ADRA1B: variants seen among roughly 807,000 people sequenced by gnomAD.
ADRA1B encodes the protein alpha-1B adrenergic receptor.
In ADRA1B, 17 loss-of-function variants were observed where a neutral mutation model predicts 17.9. The ratio of observed to expected loss-of-function variants is 0.95; its 90% CI spans 0.65 to 1.42. The LOEUF (loss-of-function observed/expected upper bound fraction) is 1.42. Among genes scored for constraint, ADRA1B ranks in the 40% most tolerant of loss-of-function variants. ADRA1B has a pLI of 0.00. For synonymous variants in ADRA1B, 366 were observed against 327.6 expected (o/e 1.12, Z -1.27); for missense variants, 681 against 722.1 (o/e 0.94, Z 0.65).
chr5:159,945,796 G>C (rs1223102960), intron 1 of ADRA1B, among the ~76,000 whole-genome samples: 1 of 149,928 alleles, frequency 6.7e-6, no homozygotes, highest in East Asian at 2.0e-4. Flanking sequence ...TGCCCAGGCT[G>C]GAGTGCAGTG....
chr5:159,881,031 T>C (rs1753855565), intron 1 of ADRA1B, among the ~76,000 whole-genome samples: 1 of 152,126 alleles, frequency 6.6e-6, no homozygotes, highest in South Asian at 2.1e-4. Context: ...CTATTCTGGC[T>C]ACTTTAATAA....
At chr5:159,982,875 T>TA in the ADRA1B span, among the ~76,000 whole-genome samples, 1 of 152,260 alleles carries the variant, frequency 6.6e-6, no homozygotes, top group South Asian at 2.1e-4. Context: ...TATGAATGAA[T>TA]ATCACAAAAT....
intron 1 of ADRA1B, chr5:159,948,598 T>C (rs1755341260): frequency 9.8e-6 from 4 of 408,446 alleles, no homozygotes; most frequent in Non-Finnish European, 1.3e-5. Context: ...CACTGAAATG[T>C]TGAAAACATA....
intron 1 of ADRA1B, among the ~76,000 whole-genome samples, chr5:159,929,824 G>C (rs957092330): frequency 2.6e-5 from 4 of 151,798 alleles, no homozygotes; most frequent in Admixed American, 2.6e-4. Flanking sequence ...TTTTTCTCCT[G>C]AAGTAAACAT....
upstream of ADRA1B, among the ~76,000 whole-genome samples, chr5:159,913,444 C>T (rs369438577): frequency 6.6e-6 from 1 of 152,194 alleles, no homozygotes; most frequent in Non-Finnish European, 1.5e-5. Context: ...AAGGCTAATA[C>T]CTGTTCCCCT....
intron 1 of ADRA1B, among the ~76,000 whole-genome samples, chr5:159,871,715 G>A (rs1753741775): frequency 6.6e-6 from 1 of 152,126 alleles, no homozygotes; most frequent in African/African-American, 2.4e-5. Flanking sequence ...GGTGGGGTTA[G>A]GACTTAGACG....
chr5:159,880,670 G>A (rs1333199188), intron 1 of ADRA1B, among the ~76,000 whole-genome samples: 2 of 152,178 alleles, frequency 1.3e-5, no homozygotes, highest in Non-Finnish European at 2.9e-5. Context: ...CTTCTATGTT[G>A]AGGCCAAATC....
At chr5:159,899,274 G>GGAAGGAAGGAAGGAAGGAAGGAAGGAAA (rs1754072276) in intron 1 of ADRA1B, among the ~76,000 whole-genome samples, 4 of 119,620 alleles carry the variant, frequency 3.3e-5, no homozygotes, top group African/African-American at 1.2e-4. Flanking sequence ...AAGGAAGGAA[G>GGAAGGAAGGAAGGAAGGAAGGAAGGAAA]GAAGGAAGGA....
At chr5:159,922,514 T>A (rs2113167479) in intron 1 of ADRA1B, among the ~76,000 whole-genome samples, 1 of 152,348 alleles carries the variant, frequency 6.6e-6, no homozygotes, top group South Asian at 2.1e-4. Context: ...ATGATGCTTC[T>A]GTTGCAAAAT....
intron 1 of ADRA1B, among the ~76,000 whole-genome samples, chr5:159,924,900 TC>T (rs1469972534): frequency 1.3e-5 from 2 of 152,266 alleles, no homozygotes; most frequent in African/African-American, 2.4e-5. Context: ...TTATTAGGTC[TC>T]ATCGAGTGCC....
chr5:159,948,381 T>G, intron 1 of ADRA1B: 1 of 985,366 alleles, frequency 1.0e-6, no homozygotes, highest in Non-Finnish European at 1.2e-6. Context: ...CATTTCAACA[T>G]GAAGAAAGGA....
chr5:159,944,416 A>G (rs1755216095), intron 1 of ADRA1B, among the ~76,000 whole-genome samples: 2 of 152,256 alleles, frequency 1.3e-5, no homozygotes, highest in South Asian at 4.1e-4. Context: ...GTAGCACAAG[A>G]TCTCTGTTAA....
intron 1 of ADRA1B, among the ~76,000 whole-genome samples, chr5:159,872,593 G>A (rs1301918288): frequency 1.3e-5 from 2 of 152,108 alleles, no homozygotes; most frequent in East Asian, 3.9e-4. Context: ...TTTGAATCCA[G>A]GTCTGTCTGA....
At position 159,972,113 on chromosome 5, in the gene ADRA1B, G is replaced by T; in HGVS notation, c.1184G>T (p.Gly395Val). ...AYTYRPWTRG[G>V]SLERSQSRKD... ...ACCTACCGGCCGTGGACGCGCGGCG[G>T]CTCGCTGGAGCGCTCGCAGTCGCGC... The change falls in exon 2 of 2, where the codon GGC becomes GTC. Residue 395 changes from glycine (G) to valine (V), a missense_variant. Gly to Val is a moderately radical substitution (Grantham distance 109, BLOSUM62 -3). Transcript: ENST00000306675. 1 of 1,302,156 alleles carries T rather than the reference G, an allele frequency of 7.7e-7. No individual in the cohort carries two copies. The highest frequency in any genetic ancestry group is 9.8e-7 in the Non-Finnish European group (1 of 1,018,216). The allele number at this position is 1,302,156 out of a possible 1,614,324, so 80.7% of individuals were successfully genotyped here. A position where few individuals can be genotyped will look rare whatever the true frequency, so the allele number is the denominator to read the frequency against.
At chr5:159,877,900 G>T (rs1030281146) in intron 1 of ADRA1B, among the ~76,000 whole-genome samples, 1 of 152,188 alleles carries the variant, frequency 6.6e-6, no homozygotes, top group Admixed American at 6.5e-5. Context: ...TTTGATGGCA[G>T]CTGGAGTGAA....
chr5:159,983,454 A>G, the ADRA1B span, among the ~76,000 whole-genome samples: 1 of 152,230 alleles, frequency 6.6e-6, no homozygotes, highest in South Asian at 2.1e-4. Context: ...TCTCACTCTC[A>G]TTACTAAGGT....
intron 1 of ADRA1B, among the ~76,000 whole-genome samples, chr5:159,890,109 C>G (rs545481490): frequency 6.6e-6 from 1 of 152,136 alleles, no homozygotes; most frequent in Non-Finnish European, 1.5e-5. Context: ...CTTGAGGGTC[C>G]GGCTCCAAAC....
chr5:159,933,296 A>G (rs1581045242), intron 1 of ADRA1B, among the ~76,000 whole-genome samples: 1 of 152,162 alleles, frequency 6.6e-6, no homozygotes, highest in East Asian at 1.9e-4. Flanking sequence ...TCTTTAGGGC[A>G]CTTGCTTTTT....
chr5:159,914,427 T>C (rs112976196), upstream of ADRA1B, among the ~76,000 whole-genome samples: 6 of 152,224 alleles, frequency 3.9e-5, no homozygotes, highest in African/African-American at 1.4e-4. Flanking sequence ...CACAGGAAGA[T>C]AAGCAAACCA....
Sources: allele counts gnomAD v4.1 joint callset (sites outside exome capture counted in the v4.1 genomes callset), GRCh38; gene constraint gnomAD v4.1.1; transcripts MANE v1.5; gene names NCBI Gene and HGNC (gene_info 2026-07-23, HGNC 2026-07-21).